MTRF1: variants seen among roughly 807,000 people sequenced by gnomAD.
The protein encoded by MTRF1 is mitochondrial translation release factor 1, also known as peptide chain release factor 1, mitochondrial.
MTRF1 carries 51 observed loss-of-function variants against 62.9 expected under a neutral mutation model. The observed-to-expected ratio is 0.81, with a 90% CI of 0.65 to 1.02. The LOEUF (loss-of-function observed/expected upper bound fraction) is 1.02, where lower values mean the gene tolerates loss of function less well. MTRF1 is among the 50% of genes least tolerant of loss of function. The pLI is 0.00. For synonymous variants in MTRF1, 158 were observed against 181.9 expected, an observed-to-expected ratio of 0.87 and a Z score of 1.06; for missense variants, 446 against 530.0, an observed-to-expected ratio of 0.84 and a Z score of 1.56.
the MTRF1 span, chr13:41,288,140 C>T: frequency 2.0e-6 from 1 of 508,650 alleles, no homozygotes. Flanking sequence ...ATCTTCTTGT[C>T]CAGATGTATC....
chr13:41,259,586 CAGCTACTTG>C (rs1218463638), intron 2 of MTRF1, among the ~76,000 whole-genome samples: 3 of 151,478 alleles, frequency 2.0e-5, no homozygotes, highest in Admixed American at 1.3e-4. Flanking sequence ...CCTGTAGTCC[CAGCTACTTG>C]GGAGGCTGAG....
At chr13:41,235,091 AATTT>A in intron 6 of MTRF1, 1 of 104,170 alleles carries the variant, frequency 9.6e-6, no homozygotes, top group Non-Finnish European at 2.0e-5. Flanking sequence ...GAATTTAGCT[AATTT>A]TTTTTTTTTT....
At position 41,252,807 on chromosome 13, in the gene MTRF1, T is replaced by G. The variant is rs1339126171; in HGVS notation, c.590-55A>C. On this transcript the variant is annotated intron_variant, in intron 4 of 9. Coordinates refer to ENST00000379480, the MANE Select transcript of MTRF1 (RefSeq NM_004294.4). The stretch of plus-strand genomic sequence containing the variant: ...AGGACAAATTTCGGAAAGCCACCCT[T>G]AAGACTAAGTCCTTTAGGAAATAAA... 2.0e-6 allele frequency: 3 copies of G among 1,469,998 alleles called. No individual in the cohort carries two copies. The Admixed American group carries it at 5.1e-5, about 25-fold the overall frequency. 91.1% of individuals were successfully genotyped at this position (1,469,998 alleles called of 1,614,324 possible). A position where few individuals can be genotyped will look rare whatever the true frequency, so the allele number is the denominator to read the frequency against.
rs1428370208 is a variant in MTRF1, at chr13:41,252,707, T to G, written c.635A>C (p.Gln212Pro). The change falls in exon 5 of 10, where the codon CAG becomes CCG. Residue 212 changes from glutamine (Q) to proline (P), a missense_variant. Coordinates refer to ENST00000379480, the MANE Select transcript of MTRF1 (RefSeq NM_004294.4). ...CCAGTGTTTATAGCACGAATAATTC[T>G]GGTACATGTCAAATATTTCTCGGGT... The part of the protein sequence containing the change: ...QFTREIFDMY[Q>P]NYSCYKHWQF... 6.2e-7 allele frequency: 1 copy of G among 1,613,776 alleles called. No homozygotes were observed. Among genetic ancestry groups the G allele is most frequent in the East Asian group, 2.2e-5 (1 of 44,804 alleles).
At chr13:41,272,177 T>C in the MTRF1 span, among the ~76,000 whole-genome samples, 2 of 152,216 alleles carry the variant, frequency 1.3e-5, no homozygotes, top group African/African-American at 2.4e-5. Flanking sequence ...TGCTCATGAC[T>C]CTTGAAACTT....
chr13:41,299,413 A>G, the MTRF1 span, among the ~76,000 whole-genome samples: 27 of 152,272 alleles, frequency 1.8e-4, no homozygotes, highest in African/African-American at 6.0e-4. Flanking sequence ...GATCAGGCAG[A>G]TAAACTAGCT....
the MTRF1 span, among the ~76,000 whole-genome samples, chr13:41,285,687 G>A: frequency 6.6e-6 from 1 of 152,162 alleles, no homozygotes; most frequent in Non-Finnish European, 1.5e-5. Flanking sequence ...GGTAAAATAG[G>A]AGATCTGTGA....
At chr13:41,260,206 G>A (rs1445792132) in intron 2 of MTRF1, among the ~76,000 whole-genome samples, 1 of 151,930 alleles carries the variant, frequency 6.6e-6, no homozygotes, top group Admixed American at 6.6e-5. Flanking sequence ...GTGGCTCGGT[G>A]GCTATAATCA....
At chr13:41,237,145 G>A (rs1261855409) in intron 6 of MTRF1, among the ~76,000 whole-genome samples, 1 of 148,238 alleles carries the variant, frequency 6.7e-6, no homozygotes, top group Non-Finnish European at 1.5e-5. Context: ...CTTGAGCCTG[G>A]GAGGCAGAGG....
the MTRF1 span, among the ~76,000 whole-genome samples, chr13:41,295,247 T>C: frequency 2.0e-5 from 3 of 152,204 alleles, no homozygotes; most frequent in African/African-American, 7.2e-5. Context: ...AAAAGCAATG[T>C]TTTCCTTCAG....
At chr13:41,294,834 C>T in the MTRF1 span, among the ~76,000 whole-genome samples, 1 of 152,158 alleles carries the variant, frequency 6.6e-6, no homozygotes, top group East Asian at 1.9e-4. Flanking sequence ...AAGGAAATTA[C>T]TTATAAGTCT....
At chr13:41,261,239 CAGG>C (rs1383865353) in intron 1 of MTRF1, 8 of 187,070 alleles carry the variant, frequency 4.3e-5, no homozygotes, top group Non-Finnish European at 9.0e-5. Flanking sequence ...GAGTCTGAGG[CAGG>C]AGAATTGCCT....
At position 41,242,619 on chromosome 13, in the gene MTRF1, CA is replaced by C. The variant is rs2037667048; in HGVS notation, c.698-2187del. 2.6e-5 allele frequency among the ~76,000 whole-genome samples: 4 copies of C among 152,254 alleles called. No individual in the cohort carries two copies. In the South Asian group the frequency reaches 8.3e-4, roughly 32 times the overall value. On this transcript the variant is annotated intron_variant, in intron 5 of 9. Coordinates refer to ENST00000379480, the MANE Select transcript of MTRF1 (RefSeq NM_004294.4). ...GTCTCCTGTGTTCCTGCACATCTTACAAATGAAGCATTGCTGGCTATTTCGC... is the reference window on the plus strand; with the variant it reads ...GTCTCCTGTGTTCCTGCACATCTTACAATGAAGCATTGCTGGCTATTTCGC...
upstream of MTRF1, among the ~76,000 whole-genome samples, chr13:41,267,156 C>CA (rs1555272178): frequency 6.6e-6 from 1 of 150,614 alleles, no homozygotes; most frequent in Non-Finnish European, 1.5e-5. Context: ...TCCTTTTCTT[C>CA]TTTTTTTTTC....
the MTRF1 span, among the ~76,000 whole-genome samples, chr13:41,312,001 C>T: frequency 6.6e-6 from 1 of 152,220 alleles, no homozygotes; most frequent in Non-Finnish European, 1.5e-5. Context: ...GCATTCTCTG[C>T]TTTGCGTTTA....
chr13:41,311,499 G>A, the MTRF1 span: 2 of 1,578,018 alleles, frequency 1.3e-6, no homozygotes, highest in Non-Finnish European at 1.7e-6. Flanking sequence ...TAGCCTCCCT[G>A]CCGGCCACCT....
At chr13:41,225,107 G>C (rs4942025) in intron 8 of MTRF1, among the ~76,000 whole-genome samples, 2 of 151,130 alleles carry the variant, frequency 1.3e-5, no homozygotes, top group African/African-American at 2.4e-5. Context: ...AGCCACTCGG[G>C]AAGCTGAGGC....
At chr13:41,282,123 G>A in the MTRF1 span, among the ~76,000 whole-genome samples, 42 of 147,204 alleles carry the variant, frequency 2.9e-4, no homozygotes, top group Non-Finnish European at 4.3e-4. Context: ...GGGCGACAGA[G>A]CAAGACTCCG....
chr13:41,273,395 C>G, the MTRF1 span, among the ~76,000 whole-genome samples: 2 of 151,998 alleles, frequency 1.3e-5, no homozygotes, highest in Non-Finnish European at 2.9e-5. Flanking sequence ...ATGTGAACCC[C>G]AAATATCTGA....
Sources: gnomAD v4.1 joint callset for allele counts (sites outside exome capture counted in the v4.1 genomes callset) on GRCh38, gnomAD v4.1.1 for gene constraint, MANE v1.5 for transcripts, NCBI Gene and HGNC (gene_info 2026-07-23, HGNC 2026-07-21) for gene names.